The following RRAS2 variants were observed in gnomAD, a reference collection of about 807,000 sequenced individuals.
The protein encoded by RRAS2 is ras-related protein R-Ras2.
In RRAS2, 7 loss-of-function variants were observed where a neutral mutation model predicts 27.6. The observed-to-expected ratio is 0.25, with a 90% CI of 0.14 to 0.48. RRAS2 has a LOEUF of 0.48. Ranked by LOEUF, RRAS2 falls within the 20% of genes least tolerant of loss-of-function variation. The pLI, the probability that RRAS2 is intolerant of heterozygous loss-of-function variation, is 0.99. For missense variants in RRAS2, 178 were observed against 256.2 expected, an observed-to-expected ratio of 0.69 and a Z score of 2.08; for synonymous variants, 86 against 90.9, an observed-to-expected ratio of 0.95 and a Z score of 0.31.
chr11:14,294,847 C>G lies in RRAS2; in HGVS notation c.212G>C (p.Gly71Ala). Residue 71 changes from glycine to alanine, a missense_variant, in exon 3 of 6, where the codon GGA (glycine) becomes GCA (alanine). Coordinates refer to ENST00000256196, the MANE Select transcript of RRAS2 (RefSeq NM_012250.6). ...AARLDILDTA[G>A]QEEFGAMREQ... ...TCTCATGGCTCCAAACTCTTCTTGT[C>G]CTGCTGTATCCAAAACTAAAGAAAA... The G allele has an allele frequency of 1.2e-6, 2 of 1,613,400 alleles. No homozygotes were observed. The highest frequency in any genetic ancestry group is 1.7e-6 in the Non-Finnish European group (2 of 1,179,660).
At chr11:14,329,068 T>C (rs970631997) in intron 1 of RRAS2, among the ~76,000 whole-genome samples, 9 of 141,688 alleles carry the variant, frequency 6.4e-5, no homozygotes, top group African/African-American at 7.9e-5. Context: ...CACATATACA[T>C]ACACACACAC....
chr11:14,339,693 G>T (rs11023191), intron 1 of RRAS2, among the ~76,000 whole-genome samples: 1 of 152,098 alleles, frequency 6.6e-6, no homozygotes, highest in Non-Finnish European at 1.5e-5. Flanking sequence ...AGTTAAAAAA[G>T]AAAGTTATTA....
chr11:14,340,327 C>A (rs1848677262), intron 1 of RRAS2, among the ~76,000 whole-genome samples: 1 of 151,780 alleles, frequency 6.6e-6, no homozygotes, highest in Admixed American at 6.6e-5. Context: ...TCCCAAACTC[C>A]TGACCTCAAG....
At position 14,358,644 on chromosome 11, in the gene RRAS2, C is replaced by A; in HGVS notation, c.108+119G>T. On this transcript the variant is annotated intron_variant, in intron 1 of 5. Transcript: ENST00000256196. The surrounding 1 kb of genome is among the most constrained non-coding windows in gnomAD (Gnocchi z 5.1). ...GGCCCCGCGCCCTCCCGCCCCCTGG[C>A]CCCGGCCCGGGCCCGCGAGGCGCCT... 3.1e-6 allele frequency: 3 copies of A among 977,598 alleles called. No homozygotes were observed. Among genetic ancestry groups the A allele is most frequent in the Non-Finnish European group, 3.6e-6 (3 of 822,136 alleles). The allele number at this position is 977,598 out of a possible 1,614,324, so 60.6% of individuals were successfully genotyped here.
intron 1 of RRAS2, among the ~76,000 whole-genome samples, chr11:14,310,770 G>A (rs1183050597): frequency 1.3e-5 from 2 of 152,220 alleles, no homozygotes; most frequent in Non-Finnish European, 2.9e-5. Flanking sequence ...TAGGCAAGTA[G>A]ACATATGGTC....
At chr11:14,325,890 C>A (rs185595884) in intron 1 of RRAS2, among the ~76,000 whole-genome samples, 3 of 152,248 alleles carry the variant, frequency 2.0e-5, no homozygotes, top group African/African-American at 7.2e-5. Context: ...CTAAGTATTA[C>A]ATAAAATACT....
At chr11:14,315,674 T>C (rs1305192333) in intron 1 of RRAS2, among the ~76,000 whole-genome samples, 1 of 152,180 alleles carries the variant, frequency 6.6e-6, no homozygotes, top group Non-Finnish European at 1.5e-5. Flanking sequence ...GACAGATATA[T>C]GGGAAGTTCC....
At chr11:14,348,128 T>C (rs1848876616) in intron 1 of RRAS2, among the ~76,000 whole-genome samples, 1 of 152,176 alleles carries the variant, frequency 6.6e-6, no homozygotes, top group Non-Finnish European at 1.5e-5. Context: ...TTGGTTCCTT[T>C]AGGCTTAATT....
At chr11:14,308,496 T>C (rs1847881923) in intron 1 of RRAS2, among the ~76,000 whole-genome samples, 1 of 152,226 alleles carries the variant, frequency 6.6e-6, no homozygotes, top group Admixed American at 6.5e-5. Flanking sequence ...AGCTATATAA[T>C]TTTATTATGA....
chr11:14,284,090 TTC>T (rs1849607054), intron 4 of RRAS2, among the ~76,000 whole-genome samples: 2 of 152,210 alleles, frequency 1.3e-5, no homozygotes, highest in Admixed American at 6.5e-5. Context: ...GGTTTTAATT[TTC>T]TCTTTTTCTT....
rs192547153 is a variant in RRAS2, at chr11:14,337,731, G to A, written c.108+21032C>T. On this transcript the variant is annotated intron_variant, in intron 1 of 5. Coordinates refer to ENST00000256196, the MANE Select transcript of RRAS2 (RefSeq NM_012250.6). ...TATCCACAGTTTCAGGCATCTGCGG[G>A]GGTTGAAATATATAGCCCTTGCAGG... 7.2e-5 allele frequency among the ~76,000 whole-genome samples: 11 copies of A among 152,084 alleles called. No individual in the cohort carries two copies. In the East Asian group the frequency reaches 2.1e-3, roughly 29 times the overall value.
chr11:14,281,798 G>T, intron 4 of RRAS2, 78 bp from the exon 5 acceptor site: 1 of 1,278,614 alleles, frequency 7.8e-7, no homozygotes, highest in Non-Finnish European at 1.1e-6. Flanking sequence ...CACAGATTGT[G>T]CTAATAATTC....
chr11:14,339,162 C>T (rs542244038), intron 1 of RRAS2, among the ~76,000 whole-genome samples: 43 of 151,746 alleles, frequency 2.8e-4, no homozygotes, highest in African/African-American at 9.9e-4. Flanking sequence ...TCAGCTGGCC[C>T]GGGCTCAGTG....
chr11:14,302,073 TACACACACACACAC>T (rs57730782), intron 1 of RRAS2, among the ~76,000 whole-genome samples: 11 of 142,360 alleles, frequency 7.7e-5, no homozygotes, highest in South Asian at 6.9e-4. Flanking sequence ...ACCACACACA[TACACACACACACAC>T]ACACACACAC....
chr11:14,317,021 A>C (rs939155808), intron 1 of RRAS2, among the ~76,000 whole-genome samples: 2 of 152,168 alleles, frequency 1.3e-5, no homozygotes, highest in Admixed American at 6.5e-5. Flanking sequence ...TAAAATAAGA[A>C]ATTTTTTAAT....
chr11:14,303,507 C>T (rs996429625), intron 1 of RRAS2, among the ~76,000 whole-genome samples: 15 of 152,108 alleles, frequency 9.9e-5, no homozygotes, highest in Non-Finnish European at 1.2e-4. Flanking sequence ...GAGGCAGAGG[C>T]AGGAGGACTG....
At position 14,358,976 on chromosome 11, in the gene RRAS2, G is replaced by C; in HGVS notation, c.-106C>G. The C allele has an allele frequency of 8.7e-7, 1 of 1,150,398 alleles. No individual in the cohort carries two copies. The highest frequency in any genetic ancestry group is 1.1e-6 in the Non-Finnish European group (1 of 936,446). The allele number at this position is 1,150,398 out of a possible 1,614,324, so 71.3% of individuals were successfully genotyped here. A position where few individuals can be genotyped will look rare whatever the true frequency, so the allele number is the denominator to read the frequency against. On this transcript the variant is annotated 5_prime_UTR_variant, in exon 1 of 6. Coordinates refer to ENST00000256196, the MANE Select transcript of RRAS2 (RefSeq NM_012250.6). This position sits in a 1 kb window ranked among gnomAD's most constrained non-coding sequence, Gnocchi z 5.1. ...GCCGGCGGGCTGCGGGCGAGCGGCC[G>C]GGCTGGGGTCCCGGGTACCGGGAGG...
At chr11:14,294,607 T>G (rs369556891) in intron 3 of RRAS2, 28 bp from the exon 4 acceptor site, 5 of 1,530,716 alleles carry the variant, frequency 3.3e-6, no homozygotes, top group Middle Eastern at 1.7e-4. Context: ...AAAAACAAAT[T>G]AATCAATTTG....
At chr11:14,332,230 G>A (rs552543905) in intron 1 of RRAS2, among the ~76,000 whole-genome samples, 1 of 152,304 alleles carries the variant, frequency 6.6e-6, no homozygotes, top group African/African-American at 2.4e-5. Flanking sequence ...AATGTCTGGG[G>A]CAGCTTTATT....
Sources: gnomAD v4.1 joint callset for allele counts (sites outside exome capture counted in the v4.1 genomes callset) on GRCh38, gnomAD v4.1.1 for gene constraint, Gnocchi (gnomAD v3.1) non-coding constraint, MANE v1.5 for transcripts, NCBI Gene and HGNC (gene_info 2026-07-23, HGNC 2026-07-21) for gene names.